Variants in RSBN1L observed in about 807,000 individuals in gnomAD.
RSBN1L encodes the protein lysine-specific demethylase RSBN1L.
RSBN1L carries 30 observed loss-of-function variants against 67.7 expected under a neutral mutation model. The ratio of observed to expected loss-of-function variants is 0.44; its 90% CI spans 0.33 to 0.60. The LOEUF is 0.60. Ranked by LOEUF, RSBN1L falls within the 20% of genes least tolerant of loss-of-function variation. The pLI is 0.02. For synonymous variants in RSBN1L, 433 were observed against 387.0 expected (o/e 1.12, Z -1.39); for missense variants, 992 against 1,031.7 (o/e 0.96, Z 0.53).
intron 3 of RSBN1L, among the ~76,000 whole-genome samples, chr7:77,751,918 T>A (rs1791561520): frequency 6.6e-6 from 1 of 152,238 alleles, no homozygotes; most frequent in African/African-American, 2.4e-5. Flanking sequence ...GCTTTGATAC[T>A]ATGCAAGTTT....
chr7:77,701,612 T>G (rs1340747914), intron 1 of RSBN1L, among the ~76,000 whole-genome samples: 9 of 151,938 alleles, frequency 5.9e-5, no homozygotes, highest in African/African-American at 2.2e-4. Context: ...GGTGTTTTTC[T>G]TCACATCTCA....
intron 2 of RSBN1L, among the ~76,000 whole-genome samples, chr7:77,738,605 T>C (rs925998274): frequency 2.6e-5 from 4 of 152,212 alleles, no homozygotes; most frequent in South Asian, 2.1e-4. Context: ...TAAATAGTTA[T>C]GAAATCTTTC....
intron 1 of RSBN1L, among the ~76,000 whole-genome samples, chr7:77,700,946 C>T (rs555156707): frequency 9.0e-4 from 137 of 152,168 alleles, no homozygotes; most frequent in Non-Finnish European, 1.7e-3. Flanking sequence ...CGCCTGAGCT[C>T]AGGAGTTCAA....
chr7:77,717,465 CAG>C (rs759931007), intron 1 of RSBN1L, among the ~76,000 whole-genome samples: 3 of 152,060 alleles, frequency 2.0e-5, no homozygotes, highest in Non-Finnish European at 2.9e-5. Context: ...TAATCAGAAA[CAG>C]AATGAATTAT....
intron 2 of RSBN1L, among the ~76,000 whole-genome samples, chr7:77,739,133 G>T (rs1791374819): frequency 6.6e-6 from 1 of 152,192 alleles, no homozygotes; most frequent in African/African-American, 2.4e-5. Context: ...CATTTCCCAA[G>T]TGAGCCTGTG....
At chr7:77,773,017 T>C in intron 5 of RSBN1L, 130 bp from the exon 6 acceptor site, 1 of 528,372 alleles carries the variant, frequency 1.9e-6, no homozygotes, top group South Asian at 3.4e-5. Flanking sequence ...TTTGTTCGTG[T>C]TCATTTTAAA....
In RSBN1L at chr7:77,706,467, T is replaced by G. The variant is rs569480174; in HGVS notation, c.586+9412T>G. The stretch of plus-strand genomic sequence containing the variant: ...CTCAAGTGATCTGCCTGCCTCGACC[T>G]CCCAAAGTGCTGAGATTACAGGTGT... On this transcript the variant is annotated intron_variant, in intron 1 of 7. Transcript: ENST00000334955. Among the ~76,000 whole-genome samples the G allele has an allele frequency of 3.5e-4, 53 of 152,320 alleles. 1 individual carries two copies. In the South Asian group the frequency reaches 0.01, roughly 29 times the overall value.
At chr7:77,707,997 A>G (rs771873936) in intron 1 of RSBN1L, among the ~76,000 whole-genome samples, 14 of 152,258 alleles carry the variant, frequency 9.2e-5, no homozygotes, top group Non-Finnish European at 1.8e-4. Flanking sequence ...TAAATATAAA[A>G]TAAGTTGTAA....
Position 77,710,406 on chromosome 7 carries a change from C to T in RSBN1L, c.586+13351C>T, listed in dbSNP as rs544633166. On this transcript the variant is annotated intron_variant, in intron 1 of 7. Coordinates refer to ENST00000334955, the MANE Select transcript of RSBN1L (RefSeq NM_198467.3). ...TCTTCAGGTTCTCCTCAGTGCTCCT[C>T]GCCGCCTAGAACTTTCTCTACCCGT... is the stretch of plus-strand genomic sequence containing the variant. Among the ~76,000 whole-genome samples the T allele has an allele frequency of 2.6e-5, 4 of 152,230 alleles. No individual in the cohort carries two copies. In the South Asian group the frequency reaches 6.2e-4, roughly 24 times the overall value.
In RSBN1L at chr7:77,721,280, C is replaced by T. The variant is rs971737528; in HGVS notation, c.587-15130C>T. ...TGTCTTCTATGATTGCCTTCAAATG[C>T]TTATCAATAGTAATTTCCTTCTTTT... On this transcript the variant is annotated intron_variant, in intron 1 of 7. Coordinates refer to ENST00000334955, the MANE Select transcript of RSBN1L (RefSeq NM_198467.3). 5.3e-5 allele frequency among the ~76,000 whole-genome samples: 8 copies of T among 150,792 alleles called. No homozygotes were observed. The South Asian group carries it at 1.7e-3, about 32-fold the overall frequency.
intron 1 of RSBN1L, among the ~76,000 whole-genome samples, chr7:77,714,119 G>C (rs924380070): frequency 1.3e-5 from 2 of 152,102 alleles, no homozygotes; most frequent in African/African-American, 4.8e-5. Context: ...GTTTGTTTCT[G>C]CTCAACTAAC....
intron 1 of RSBN1L, among the ~76,000 whole-genome samples, chr7:77,717,597 G>A (rs186973350): frequency 5.3e-5 from 8 of 152,256 alleles, no homozygotes; most frequent in Admixed American, 3.3e-4. Flanking sequence ...TGGCAAAATC[G>A]ATAAATACAA....
intron 2 of RSBN1L, among the ~76,000 whole-genome samples, chr7:77,744,849 G>A (rs1211510595): frequency 2.6e-5 from 4 of 152,156 alleles, no homozygotes; most frequent in East Asian, 1.9e-4. Context: ...GAATTATCAC[G>A]TCTGTGAATT....
intron 3 of RSBN1L, among the ~76,000 whole-genome samples, chr7:77,754,077 A>C (rs1791587996): frequency 6.6e-6 from 1 of 152,166 alleles, no homozygotes; most frequent in African/African-American, 2.4e-5. Context: ...TTGTTCTATC[A>C]GCCAGGCTAG....
chr7:77,696,602 G>A lies in RSBN1L; in HGVS notation c.133G>A (p.Val45Ile), dbSNP rs79095281. Residue 45 changes from valine to isoleucine, a missense_variant, in exon 1 of 8, where the codon GTC becomes ATC. Around this residue, in one of 7 missense-constraint regions of RSBN1L, gnomAD observed 575 missense variants for 483.2 expected, o/e 1.19. Transcript: ENST00000334955. ...DPPGSLSAKK[V>I]RTEEKKAPRR... ...TCCGGGTTCTCTGTCCGCCAAGAAG[G>A]TCCGGACTGAGGAGAAGAAGGCACC... 8,077 of 1,614,078 alleles carry A rather than the reference G, an allele frequency of 5.0e-3. 363 individuals are homozygous for A. The African/African-American group carries it at 0.094, about 19-fold the overall frequency.
Position 77,696,637 on chromosome 7 carries a change from G to C in RSBN1L, c.168G>C (p.Val56=), listed in dbSNP as rs774000809. 6.2e-7 allele frequency: 1 copy of C among 1,613,960 alleles called. No individual in the cohort carries two copies. Among genetic ancestry groups the C allele is most frequent in the Admixed American group, 1.7e-5 (1 of 60,030 alleles). The change falls in exon 1 of 8, where the codon GTG becomes GTC. Residue 56 remains valine, a synonymous_variant. Coordinates refer to ENST00000334955, the MANE Select transcript of RSBN1L (RefSeq NM_198467.3). ...AGGAGAAGAAGGCACCGCGGAGAGT[G>C]AACGGAGAAGGGGGCAGCGGCGGGA... ...RTEEKKAPRR[V]NGEGGSGGNS...
intron 1 of RSBN1L, among the ~76,000 whole-genome samples, chr7:77,725,876 G>T (rs952182297): frequency 1.3e-5 from 2 of 152,070 alleles, no homozygotes; most frequent in African/African-American, 4.8e-5. Flanking sequence ...GAGCCACTGC[G>T]CCTGGCTAAG....
chr7:77,773,356 C>G, intron 6 of RSBN1L, 42 bp downstream of exon 6: 1 of 1,352,286 alleles, frequency 7.4e-7, no homozygotes, highest in South Asian at 2.0e-5. Context: ...AATTTCTTGG[C>G]TTCTACAATT....
At position 77,779,566 on chromosome 7, in the gene RSBN1L, G is replaced by A. The variant is rs930226380; in HGVS notation, c.*398G>A. The A allele has an allele frequency of 2.0e-5, 3 of 150,726 alleles. No homozygotes were observed. Among genetic ancestry groups the A allele is most frequent in the African/African-American group, 7.3e-5 (3 of 41,044 alleles). 9.3% of individuals were successfully genotyped at this position (150,726 alleles called of 1,614,324 possible). ...CTTTTTTTTCATTTTAAATGTGTCA[G>A]CACTGTAGTGTAAATAGCTTTTAAA... On this transcript the variant is annotated 3_prime_UTR_variant, in exon 8 of 8. Transcript: ENST00000334955.
Sources: allele counts gnomAD v4.1 joint callset (sites outside exome capture counted in the v4.1 genomes callset), GRCh38; gene constraint gnomAD v4.1.1; regional missense constraint gnomAD v4.1.1; transcripts MANE v1.5; gene names NCBI Gene and HGNC (gene_info 2026-07-23, HGNC 2026-07-21).